Variants in GHRHR observed in about 807,000 individuals in gnomAD.
The protein encoded by GHRHR is growth hormone-releasing hormone receptor.
GHRHR carries 40 observed loss-of-function variants against 58.3 expected under a neutral mutation model. The observed-to-expected ratio is 0.69, with a 90% CI of 0.53 to 0.89. The LOEUF (loss-of-function observed/expected upper bound fraction) is 0.89, where lower values mean the gene tolerates loss of function less well. Among genes scored for constraint, GHRHR ranks in the 40% least tolerant of loss-of-function variants. The probability of loss-of-function intolerance (pLI) is 0.00; values close to 1 mark genes in which losing one functional copy is unlikely to be tolerated. For missense variants in GHRHR, 551 were observed against 541.3 expected, an observed-to-expected ratio of 1.02 and a Z score of -0.18; for synonymous variants, 249 against 216.6, an observed-to-expected ratio of 1.15 and a Z score of -1.31.
chr7:30,975,200 C>T (rs981285958), intron 9 of GHRHR, among the ~76,000 whole-genome samples, 160 bp downstream of exon 9: 3 of 152,166 alleles, frequency 2.0e-5, no homozygotes, highest in African/African-American at 7.2e-5. Context: ...CTCTCTGGGC[C>T]TCAGTATCCC....
At chr7:30,974,191 C>T in intron 7 of GHRHR, 53 bp downstream of exon 7, 1 of 1,576,744 alleles carries the variant, frequency 6.3e-7, no homozygotes, top group Non-Finnish European at 8.7e-7. Context: ...GCTGGAAAGG[C>T]CCAGGGAGTT....
chr7:30,969,585 G>A, intron 3 of GHRHR: 1 of 606,164 alleles, frequency 1.6e-6, no homozygotes, highest in South Asian at 2.0e-5. Context: ...TCTCCCTACT[G>A]CCCTTAGGAT....
chr7:30,969,618 C>T, intron 3 of GHRHR: 2 of 611,910 alleles, frequency 3.3e-6, no homozygotes, highest in Non-Finnish European at 5.8e-6. Context: ...GCTCACCACT[C>T]CTCACCCCTC....
rs766566547 is a variant in GHRHR, at chr7:30,969,952, G to A, written c.354G>A (p.Leu118=). Residue 118 remains leucine (L), a synonymous_variant, in exon 4 of 13, where the codon CTG becomes CTA. Coordinates refer to ENST00000326139, the MANE Select transcript of GHRHR (RefSeq NM_000823.4). The part of the protein sequence containing the change: ...YPVACPVPLE[L]LAEEESYFST... ...TGGCCTGCCCTGTGCCTCTGGAGCT[G>A]CTGGCTGAGGAGGTAAGAGTCTTCT... 14 of 1,294,136 alleles carry A rather than the reference G, an allele frequency of 1.1e-5. No homozygotes were observed. In the African/African-American group the frequency reaches 1.3e-4, roughly 12 times the overall value. The allele number at this position is 1,294,136 out of a possible 1,614,324, so 80.2% of individuals were successfully genotyped here.
Position 30,969,857 on chromosome 7 carries a change from T to C in GHRHR, c.269-10T>C, listed in dbSNP as rs1170922625. 1.9e-6 allele frequency: 3 copies of C among 1,613,598 alleles called. No homozygotes were observed. In the African/African-American group the frequency reaches 4.0e-5, roughly 22 times the overall value. On this transcript the variant is annotated splice_polypyrimidine_tract_variant and intron_variant, in intron 3 of 12. Coordinates refer to ENST00000326139, the MANE Select transcript of GHRHR (RefSeq NM_000823.4). ...GGAGTTGTGGCTAGAGAGTCTTGCT[T>C]GCCTCCCAGGGGCTGTGAAACGGGA...
At chr7:30,966,303 T>G (rs372481679) in intron 1 of GHRHR, among the ~76,000 whole-genome samples, 31 of 151,640 alleles carry the variant, frequency 2.0e-4, no homozygotes, top group African/African-American at 7.3e-4. Context: ...TCTGCTACAC[T>G]ATTTGCTGTG....
intron 12 of GHRHR, among the ~76,000 whole-genome samples, chr7:30,977,933 T>G (rs1159853496): frequency 6.6e-6 from 1 of 152,124 alleles, no homozygotes; most frequent in East Asian, 1.9e-4. Flanking sequence ...TGACGCAAAG[T>G]GAATTCCACC....
chr7:30,974,997 C>G lies in GHRHR; in HGVS notation c.839C>G (p.Pro280Arg), dbSNP rs141237359. ...TGCTGGGACCTGGACGACACCTCCC[C>G]CTACTGGTGGATCATCAAAGGGCCC... ...IACWDLDDTS[P>R]YWWIIKGPIV... The change falls in exon 9 of 13, where the codon CCC (proline) becomes CGC (arginine). Residue 280 changes from proline (P) to arginine (R), a missense_variant. Transcript: ENST00000326139. 2 of 1,613,162 alleles carry G rather than the reference C, an allele frequency of 1.2e-6. No individual in the cohort carries two copies. The highest frequency in any genetic ancestry group is 1.3e-5 in the African/African-American group (1 of 74,876).
At chr7:30,968,786 G>C in intron 1 of GHRHR, 48 bp from the exon 2 acceptor site, 7 of 1,331,606 alleles carry the variant, frequency 5.3e-6, no homozygotes, top group Non-Finnish European at 7.6e-6. Flanking sequence ...ACAGAGCCCA[G>C]AAAGACACCC....
intron 8 of GHRHR, 145 bp from the exon 9 acceptor site, chr7:30,974,826 G>T (rs1792545299): frequency 1.3e-6 from 1 of 748,092 alleles, no homozygotes; most frequent in Non-Finnish European, 2.5e-6. Flanking sequence ...GCCCCTTTGG[G>T]TGAGACCTTA....
chr7:30,978,288 T>A (rs1199899788), intron 12 of GHRHR, among the ~76,000 whole-genome samples: 1 of 152,098 alleles, frequency 6.6e-6, no homozygotes, highest in African/African-American at 2.4e-5. Flanking sequence ...CTGGGGGTCC[T>A]GGGAGGGGCA....
chr7:30,967,293 C>A (rs1792376836), intron 1 of GHRHR, among the ~76,000 whole-genome samples: 1 of 152,166 alleles, frequency 6.6e-6, no homozygotes, highest in Non-Finnish European at 1.5e-5. Flanking sequence ...GCTGGATCCA[C>A]CCTAGATCTC....
At chr7:30,978,339 T>C (rs1389893249) in intron 12 of GHRHR, among the ~76,000 whole-genome samples, 2 of 152,090 alleles carry the variant, frequency 1.3e-5, no homozygotes, top group South Asian at 4.2e-4. Flanking sequence ...GTGGAAAAAG[T>C]GTTTCCACAG....
intron 5 of GHRHR, 55 bp downstream of exon 5, chr7:30,971,271 AG>A: frequency 1.2e-6 from 1 of 810,250 alleles, no homozygotes; most frequent in South Asian, 1.4e-5. Flanking sequence ...TATTTCCCAG[AG>A]GGTCAAGTCT....
chr7:30,967,995 T>A (rs1049818394), intron 1 of GHRHR, among the ~76,000 whole-genome samples: 2 of 152,134 alleles, frequency 1.3e-5, no homozygotes, highest in African/African-American at 4.8e-5. Flanking sequence ...CCTTTCTCCA[T>A]CTTCAGACCA....
chr7:30,970,989 C>A, intron 4 of GHRHR, 130 bp from the exon 5 acceptor site: 1 of 700,802 alleles, frequency 1.4e-6, no homozygotes, highest in Non-Finnish European at 2.6e-6. Context: ...ATGGTACTCG[C>A]GGACACCTCT....
chr7:30,974,181 G>T, intron 7 of GHRHR, 43 bp downstream of exon 7: 2 of 1,598,246 alleles, frequency 1.3e-6, no homozygotes, highest in Middle Eastern at 1.8e-4. Flanking sequence ...GAGGTAAAGG[G>T]CTGGAAAGGC....
Position 30,979,481 on chromosome 7 carries a change from T to TGGGGCTC in GHRHR, c.*238_*244dup. The TGGGGCTC allele has an allele frequency of 4.8e-5, 24 of 495,700 alleles. 1 individual carries two copies. Among genetic ancestry groups the TGGGGCTC allele is most frequent in the Middle Eastern group, 5.7e-4 (1 of 1,754 alleles). The allele number at this position is 495,700 out of a possible 1,614,324, so 30.7% of individuals were successfully genotyped here. A position where few individuals can be genotyped will look rare whatever the true frequency, so the allele number is the denominator to read the frequency against. ...CTCATCCATTCCTCTTACTGGGGCC[T>TGGGGCTC]GGGGCTCTAGCCCAAGGCTCAGAGG... On this transcript the variant is annotated 3_prime_UTR_variant, in exon 13 of 13. Coordinates refer to ENST00000326139, the MANE Select transcript of GHRHR (RefSeq NM_000823.4).
intron 6 of GHRHR, among the ~76,000 whole-genome samples, chr7:30,972,995 G>A (rs1792506888): frequency 6.6e-6 from 1 of 152,116 alleles, no homozygotes; most frequent in Admixed American, 6.5e-5. Flanking sequence ...TATAACTTTT[G>A]TGTCCCCCAA....
Sources: gnomAD v4.1 joint callset for allele counts (sites outside exome capture counted in the v4.1 genomes callset) on GRCh38, gnomAD v4.1.1 for gene constraint, MANE v1.5 for transcripts, NCBI Gene and HGNC (gene_info 2026-07-23, HGNC 2026-07-21) for gene names.